PLAUR: variants seen among roughly 807,000 people sequenced by gnomAD.
The protein encoded by PLAUR is urokinase plasminogen activator surface receptor.
A neutral mutation model predicts 33.4 loss-of-function variants in PLAUR; 22 were observed. The ratio of observed to expected loss-of-function variants is 0.66; its 90% CI spans 0.47 to 0.94. The LOEUF is 0.94. Among genes scored for constraint, PLAUR ranks in the 40% least tolerant of loss-of-function variants. The probability of loss-of-function intolerance (pLI) is 0.00; values close to 1 mark genes in which losing one functional copy is unlikely to be tolerated. For synonymous variants in PLAUR, 148 were observed against 167.3 expected, an observed-to-expected ratio of 0.88 and a Z score of 0.89; for missense variants, 408 against 434.7, an observed-to-expected ratio of 0.94 and a Z score of 0.55.
At chr19:43,650,759 G>A (rs1973961002) in intron 6 of PLAUR, among the ~76,000 whole-genome samples, 1 of 151,986 alleles carries the variant, frequency 6.6e-6, no homozygotes, top group South Asian at 2.1e-4. Flanking sequence ...TTTTGGCTGG[G>A]CACGGTGGCT....
intron 1 of PLAUR, chr19:43,667,951 C>T: frequency 7.5e-7 from 1 of 1,338,060 alleles, no homozygotes; most frequent in South Asian, 1.6e-5. Context: ...TTTTTCCTTT[C>T]ATTCTGTCCT....
At chr19:43,659,642 A>G (rs1027845569) in intron 3 of PLAUR, among the ~76,000 whole-genome samples, 4 of 152,112 alleles carry the variant, frequency 2.6e-5, no homozygotes, top group Non-Finnish European at 5.9e-5. Flanking sequence ...CACCTGTCCT[A>G]AACAAAACTC....
rs78699290 is a variant in PLAUR at position 43,657,871 on chromosome 19, C to A, written c.311-1231G>T. On this transcript the variant is annotated intron_variant, in intron 3 of 6. Transcript: ENST00000340093. ...CTGTGGTAGCCTGTCTCCAAAATGG[C>A]CCCCAATAATCTCTGCTCCCTGGTA... 3.1e-3 allele frequency among the ~76,000 whole-genome samples: 471 copies of A among 152,236 alleles called. 4 individuals carry two copies. The highest frequency in any genetic ancestry group is 0.01 in the African/African-American group (434 of 41,546).
Position 43,656,541 on chromosome 19 carries a change from C to T in PLAUR, c.410G>A (p.Cys137Tyr). 6.2e-7 allele frequency: 1 copy of T among 1,612,742 alleles called. No homozygotes were observed. The highest frequency in any genetic ancestry group is 1.3e-5 in the African/African-American group (1 of 74,988). The change falls in exon 4 of 7, where the codon TGC (cysteine) becomes TAC (tyrosine). Residue 137 changes from cysteine to tyrosine, a missense_variant. Physicochemically the swap from Cys to Tyr is radical, Grantham distance 194. Transcript: ENST00000340093. ...CERGRHQSLQ[C>Y]RSPEEQCLDV... The stretch of plus-strand genomic sequence containing the variant: ...CAGGCACTGTTCTTCAGGGCTGCGG[C>T]ACTGCAGGCTCTGGTGCCGGCCCCT...
intron 1 of PLAUR, among the ~76,000 whole-genome samples, chr19:43,668,672 G>T (rs1465796337): frequency 6.3e-5 from 7 of 110,928 alleles, no homozygotes; most frequent in African/African-American, 1.8e-4. Context: ...CCCGCCCCTA[G>T]CCCCTCCTTG....
In PLAUR at chr19:43,670,150, C is replaced by A; in HGVS notation, c.-30G>T. On this transcript the variant is annotated 5_prime_UTR_variant, in exon 1 of 7. Transcript: ENST00000340093. ...CGAGGGCAGCTCCTGTGCGCGGGGT[C>A]CCTGCACGTCTTCTCTCCTTCTGGC... 1.2e-6 allele frequency: 2 copies of A among 1,604,736 alleles called. No homozygotes were observed. The highest frequency in any genetic ancestry group is 2.2e-5 in the East Asian group (1 of 44,584).
At chr19:43,667,218 A>C in intron 2 of PLAUR, 1 of 240,486 alleles carries the variant, frequency 4.2e-6, no homozygotes, top group Admixed American at 5.2e-5. Context: ...CATTGCTGCT[A>C]AGAACATTCG....
At position 43,659,167 on chromosome 19, in the gene PLAUR, C is replaced by CCTTTTTTT. The variant is rs1713771038; in HGVS notation, c.311-2528_311-2527insAAAAAAAG. Among the ~76,000 whole-genome samples, 5 of 97,138 alleles carry CCTTTTTTT rather than the reference C, an allele frequency of 5.1e-5. 1 individual carries two copies. 63.7% of individuals were successfully genotyped at this position (97,138 alleles called of 152,430 possible). On this transcript the variant is annotated intron_variant, in intron 3 of 6. Transcript: ENST00000340093. ...GCTATTTTCCTTTTTCTTTTCTTTT[C>CCTTTTTTT]TTTTTTTTTTTTTTTGAGATAGGGT... is the stretch of plus-strand genomic sequence containing the variant.
chr19:43,649,230 G>A (rs1568549957), intron 6 of PLAUR, 87 bp from the exon 7 acceptor site: 1 of 1,447,264 alleles, frequency 6.9e-7, no homozygotes, highest in Non-Finnish European at 9.5e-7. Context: ...CCTTGCAGTG[G>A]GTGCCACCTT....
chr19:43,664,705 C>T (rs1347667902), intron 3 of PLAUR, among the ~76,000 whole-genome samples: 1 of 152,248 alleles, frequency 6.6e-6, no homozygotes, highest in Non-Finnish European at 1.5e-5. Context: ...CCCATTTAAT[C>T]TTCCCCTCTT....
intron 5 of PLAUR, among the ~76,000 whole-genome samples, chr19:43,652,767 C>T (rs1204097567): frequency 3.3e-5 from 5 of 152,152 alleles, no homozygotes; most frequent in Middle Eastern, 3.2e-3. Context: ...TCTTCCACAT[C>T]AGCCTCCTGA....
intron 5 of PLAUR, among the ~76,000 whole-genome samples, chr19:43,653,370 G>A (rs1974075042): frequency 6.6e-6 from 1 of 152,202 alleles, no homozygotes; most frequent in Non-Finnish European, 1.5e-5. Context: ...CATCCCTGAA[G>A]ATGATACATT....
intron 3 of PLAUR, among the ~76,000 whole-genome samples, chr19:43,663,622 AAAT>A (rs939332183): frequency 9.2e-5 from 14 of 151,948 alleles, no homozygotes; most frequent in African/African-American, 2.4e-4. Context: ...TCTCTACTAA[AAAT>A]ACAAAATTAG....
At chr19:43,656,941 CT>C (rs113667043) in intron 3 of PLAUR, 9,306 of 148,494 alleles carry the variant, frequency 0.063, 280 homozygotes, top group Middle Eastern at 0.17. Context: ...CATTTCTTTC[CT>C]TTTTTTTTTT....
intron 1 of PLAUR, among the ~76,000 whole-genome samples, chr19:43,669,184 G>A (rs1007735045): frequency 2.4e-4 from 37 of 152,340 alleles, no homozygotes; most frequent in Non-Finnish European, 4.6e-4. Context: ...TTCCGGGGAA[G>A]TAAGTGAGAG....
chr19:43,651,647 G>T, intron 6 of PLAUR: 1 of 209,782 alleles, frequency 4.8e-6, no homozygotes, highest in Non-Finnish European at 8.3e-6. Flanking sequence ...TGGTGGCCAG[G>T]CTTGCTCTCA....
downstream of PLAUR, among the ~76,000 whole-genome samples, chr19:43,647,541 T>C (rs1471929109): frequency 2.0e-5 from 3 of 152,186 alleles, no homozygotes; most frequent in Non-Finnish European, 1.5e-5. Flanking sequence ...GCACGGTGGC[T>C]CATGCCTGTA....
chr19:43,650,963 G>A (rs909526624), intron 6 of PLAUR, among the ~76,000 whole-genome samples: 1 of 151,602 alleles, frequency 6.6e-6, no homozygotes, highest in African/African-American at 2.4e-5. Flanking sequence ...AACCCAGGAG[G>A]GGGAGGTTGC....
chr19:43,669,011 C>T (rs1007495110), intron 1 of PLAUR, among the ~76,000 whole-genome samples: 8 of 152,188 alleles, frequency 5.3e-5, no homozygotes, highest in Non-Finnish European at 1.2e-4. Flanking sequence ...CCCGGACATC[C>T]CTTTCCAGCT....
Sources: gnomAD v4.1 joint callset for allele counts (sites outside exome capture counted in the v4.1 genomes callset) on GRCh38, gnomAD v4.1.1 for gene constraint, MANE v1.5 for transcripts, NCBI Gene and HGNC (gene_info 2026-07-23, HGNC 2026-07-21) for gene names.